DCDC1: variants seen among roughly 807,000 people sequenced by gnomAD.
DCDC1 encodes the protein doublecortin domain containing 1.
Under a neutral mutation model 178.3 loss-of-function variants are expected in DCDC1, and 200 were observed. That is an observed-to-expected ratio of 1.12 (90% confidence interval 1.00 to 1.26). DCDC1 has a LOEUF of 1.26. Among genes scored for constraint, DCDC1 ranks in the 50% most tolerant of loss-of-function variants. DCDC1 has a pLI of 0.00. For missense variants in DCDC1, 1,983 were observed against 1,749.2 expected (o/e 1.13, Z -2.38); for synonymous variants, 690 against 604.8 (o/e 1.14, Z -2.07).
At chr11:31,314,756 T>A (rs931569681) in intron 3 of DCDC1, among the ~76,000 whole-genome samples, 1 of 152,212 alleles carries the variant, frequency 6.6e-6, no homozygotes, top group Admixed American at 6.5e-5. Context: ...TTTAATTAAC[T>A]TAAAGATAAC....
intron 9 of DCDC1, among the ~76,000 whole-genome samples, chr11:31,153,859 G>GCACACA (rs56888014): frequency 1.8e-4 from 25 of 137,996 alleles, no homozygotes; most frequent in African/African-American, 4.7e-4. Context: ...ACAGTGTCAT[G>GCACACA]CACACACACA....
chr11:31,291,892 T>C (rs1216596841), intron 6 of DCDC1, among the ~76,000 whole-genome samples: 1 of 152,092 alleles, frequency 6.6e-6, no homozygotes, highest in Non-Finnish European at 1.5e-5. Flanking sequence ...CCTAGAAATG[T>C]TACTTTACAT....
chr11:31,077,979 G>C, intron 17 of DCDC1, 54 bp from the exon 18 acceptor site: 1 of 756,636 alleles, frequency 1.3e-6, no homozygotes, highest in East Asian at 2.4e-5. Context: ...AGAAACACTT[G>C]TAGGTTTTAA....
intron 11 of DCDC1, among the ~76,000 whole-genome samples, chr11:31,119,453 A>G (rs980031457): frequency 6.6e-6 from 1 of 152,202 alleles, no homozygotes; most frequent in Non-Finnish European, 1.5e-5. Flanking sequence ...CCTAGGGGTT[A>G]TAAATACATG....
intron 1 of DCDC1, among the ~76,000 whole-genome samples, chr11:31,343,352 G>A (rs1443524280): frequency 6.6e-6 from 1 of 152,078 alleles, no homozygotes; most frequent in African/African-American, 2.4e-5. Flanking sequence ...TGTTGCCCAG[G>A]CTGGAGTACA....
chr11:31,165,600 T>TG (rs1966709746), intron 9 of DCDC1, among the ~76,000 whole-genome samples: 1 of 152,250 alleles, frequency 6.6e-6, no homozygotes, highest in Non-Finnish European at 1.5e-5. Context: ...CATGAGCCAC[T>TG]GCACCTGGCT....
chr11:31,295,987 AC>A (rs1428808931), intron 6 of DCDC1, among the ~76,000 whole-genome samples: 1 of 152,154 alleles, frequency 6.6e-6, no homozygotes, highest in African/African-American at 2.4e-5. Flanking sequence ...CATTCTATAC[AC>A]CAATCACAAC....
chr11:31,292,676 G>T (rs1184653055), intron 6 of DCDC1, among the ~76,000 whole-genome samples: 3 of 152,006 alleles, frequency 2.0e-5, no homozygotes, highest in African/African-American at 7.2e-5. Context: ...GAAATATTTT[G>T]GAACTAGATA....
chr11:31,104,760 C>T (rs1178028842), intron 13 of DCDC1, among the ~76,000 whole-genome samples: 3 of 151,968 alleles, frequency 2.0e-5, no homozygotes, highest in African/African-American at 7.2e-5. Context: ...TCTGGAATTG[C>T]TTTCAAGCCG....
chr11:30,998,839 T>C (rs1416042761), intron 20 of DCDC1, among the ~76,000 whole-genome samples: 1 of 152,016 alleles, frequency 6.6e-6, no homozygotes, highest in African/African-American at 2.4e-5. Context: ...GCAAATAGAG[T>C]ACAGAAGGAA....
intron 36 of DCDC1, 57 bp from the exon 37 acceptor site, chr11:30,881,365 A>T (rs1942652026): frequency 6.4e-7 from 1 of 1,571,832 alleles, no homozygotes; most frequent in Non-Finnish European, 8.6e-7. Context: ...ATGATCATGT[A>T]TCAAAGAACC....
At chr11:31,102,320 T>C in intron 14 of DCDC1, 38 bp from the exon 15 acceptor site, 2 of 632,268 alleles carry the variant, frequency 3.2e-6, no homozygotes, top group African/African-American at 3.6e-5. Context: ...TTTATTAGAA[T>C]AATATGCATT....
At chr11:31,021,540 T>C (rs2135205259) in intron 20 of DCDC1, among the ~76,000 whole-genome samples, 1 of 152,278 alleles carries the variant, frequency 6.6e-6, no homozygotes, top group Non-Finnish European at 1.5e-5. Context: ...CATATTTCCC[T>C]GTATATGCAT....
chr11:31,078,746 G>T (rs1449658279), intron 17 of DCDC1, among the ~76,000 whole-genome samples: 2 of 152,154 alleles, frequency 1.3e-5, no homozygotes, highest in Non-Finnish European at 2.9e-5. Context: ...ATGTTGAAAT[G>T]GATGCTTAAT....
At chr11:30,925,216 T>C (rs1590384778) in intron 23 of DCDC1, 93 bp downstream of exon 23, 3 of 1,068,170 alleles carry the variant, frequency 2.8e-6, no homozygotes, top group Admixed American at 2.1e-5. Flanking sequence ...AGAATTAAAA[T>C]GGTAAGCATT....
At position 30,957,090 on chromosome 11, in the gene DCDC1, G is replaced by A. The variant is rs544179237; in HGVS notation, c.2592-4522C>T. Reference sequence around the variant, plus strand: ...CTGCCCTCCTGCCCTCCACTATAGCGGAGCTGTCTATTCTCTGATTGAAGG... The same window carrying A: ...CTGCCCTCCTGCCCTCCACTATAGCAGAGCTGTCTATTCTCTGATTGAAGG... On this transcript the variant is annotated intron_variant, in intron 20 of 38. Transcript: ENST00000684477. Among the ~76,000 whole-genome samples, 243 of 152,162 alleles carry A rather than the reference G, an allele frequency of 1.6e-3. 1 individual carries two copies. The highest frequency in any genetic ancestry group is 5.6e-3 in the African/African-American group (234 of 41,510).
At chr11:30,986,434 GTGATTCTCCTGCCTCAGCCT>G (rs1227401017) in intron 20 of DCDC1, among the ~76,000 whole-genome samples, 1 of 151,524 alleles carries the variant, frequency 6.6e-6, no homozygotes, top group African/African-American at 2.4e-5. Flanking sequence ...CTGGGTTCAA[GTGATTCTCCTGCCTCAGCCT>G]CCCAATTAGC....
chr11:30,956,710 C>T (rs1278072120), intron 20 of DCDC1, among the ~76,000 whole-genome samples: 1 of 151,966 alleles, frequency 6.6e-6, no homozygotes, highest in Non-Finnish European at 1.5e-5. Flanking sequence ...GTTATCTTAA[C>T]TATAAATTTT....
intron 1 of DCDC1, among the ~76,000 whole-genome samples, chr11:31,346,240 T>C (rs1950803966): frequency 6.6e-6 from 1 of 151,730 alleles, no homozygotes; most frequent in Non-Finnish European, 1.5e-5. Context: ...GGAGGGTGGA[T>C]CACAAGGTCA....
Sources: allele counts gnomAD v4.1 joint callset (sites outside exome capture counted in the v4.1 genomes callset), GRCh38; gene constraint gnomAD v4.1.1; transcripts MANE v1.5; gene names NCBI Gene and HGNC (gene_info 2026-07-23, HGNC 2026-07-21).